The following TCEA3 variants were observed in gnomAD, a reference collection of about 807,000 sequenced individuals.
TCEA3 encodes the protein transcription elongation factor A protein 3.
TCEA3 carries 36 observed loss-of-function variants against 44.0 expected under a neutral mutation model. The observed-to-expected ratio is 0.82, with a 90% CI of 0.63 to 1.08. TCEA3 has a LOEUF of 1.08. Ranked by LOEUF, TCEA3 falls within the 50% of genes least tolerant of loss-of-function variation. The pLI, the probability that TCEA3 is intolerant of heterozygous loss-of-function variation, is 0.00. For synonymous variants in TCEA3, 162 were observed against 159.7 expected (o/e 1.01, Z -0.11); for missense variants, 392 against 441.2 (o/e 0.89, Z 1.00).
intron 4 of TCEA3, among the ~76,000 whole-genome samples, chr1:23,409,388 A>G (rs1639646937): frequency 6.6e-6 from 1 of 152,178 alleles, no homozygotes; most frequent in Non-Finnish European, 1.5e-5. Context: ...TCCAAAATGC[A>G]TTCAGCTACA....
At chr1:23,402,208 C>T (rs929428122) in intron 5 of TCEA3, among the ~76,000 whole-genome samples, 6 of 152,090 alleles carry the variant, frequency 3.9e-5, no homozygotes, top group South Asian at 4.1e-4. Context: ...GGTATGGTGG[C>T]GCATGCCTGT....
At chr1:23,395,376 GCT>G (rs1639185193) in intron 7 of TCEA3, among the ~76,000 whole-genome samples, 6 of 152,232 alleles carry the variant, frequency 3.9e-5, no homozygotes, top group Admixed American at 3.3e-4. Context: ...GGAACTTTTG[GCT>G]GCATTGTTAG....
intron 1 of TCEA3, 82 bp from the exon 2 acceptor site, chr1:23,419,221 G>T: frequency 9.2e-7 from 1 of 1,081,956 alleles, no homozygotes; most frequent in South Asian, 1.7e-5. Flanking sequence ...GGTACAGAGA[G>T]CAGGAGGATA....
intron 7 of TCEA3, among the ~76,000 whole-genome samples, chr1:23,394,833 ACT>A (rs1342021028): frequency 1.3e-5 from 2 of 152,174 alleles, no homozygotes; most frequent in African/African-American, 4.8e-5. Context: ...CCTGACGGTA[ACT>A]CTCTCCACTC....
At chr1:23,405,154 T>C (rs1639507060) in intron 5 of TCEA3, among the ~76,000 whole-genome samples, 1 of 152,200 alleles carries the variant, frequency 6.6e-6, no homozygotes, top group South Asian at 2.1e-4. Flanking sequence ...CGTGTATGCA[T>C]GTGCTCTTGA....
In TCEA3 at chr1:23,387,355, T is replaced by A; in HGVS notation, c.884A>T (p.His295Leu). The A allele has an allele frequency of 6.2e-7, 1 of 1,613,416 alleles. No homozygotes were observed. The highest frequency in any genetic ancestry group is 1.3e-5 in the African/African-American group (1 of 75,042). Residue 295 changes from histidine (H) to leucine (L), a missense_variant, in exon 9 of 11, where the codon CAC (histidine) becomes CTC (leucine). By Grantham distance (99) the His-to-Leu change is moderately conservative. Coordinates refer to ENST00000450454, the MANE Select transcript of TCEA3 (RefSeq NM_003196.3). ...NAMTQEAIRE[H>L]QMAKTGGTTT... ...GGTGCCGCCAGTCTTGGCCATCTGGTGCTCACGGATGGCCTCCTGGGTCAT... is the reference window on the plus strand; with the variant it reads ...GGTGCCGCCAGTCTTGGCCATCTGGAGCTCACGGATGGCCTCCTGGGTCAT...
intron 5 of TCEA3, chr1:23,408,462 G>A (rs536429612): frequency 9.3e-6 from 5 of 536,784 alleles, no homozygotes; most frequent in Non-Finnish European, 1.7e-5. Flanking sequence ...ATTGACCACA[G>A]AGAGATCAAA....
At chr1:23,423,579 G>A (rs930768095) in intron 1 of TCEA3, among the ~76,000 whole-genome samples, 9 of 152,178 alleles carry the variant, frequency 5.9e-5, no homozygotes, top group African/African-American at 2.2e-4. Context: ...AAGTGTCCTG[G>A]AAATGCAGGT....
At position 23,393,938 on chromosome 1, in the gene TCEA3, G is replaced by C; in HGVS notation, c.760C>G (p.Arg254Gly). 6.2e-7 allele frequency: 1 copy of C among 1,613,960 alleles called. No homozygotes were observed. The highest frequency in any genetic ancestry group is 8.5e-7 in the Non-Finnish European group (1 of 1,179,902). Residue 254 changes from arginine (R) to glycine (G), a missense_variant, in exon 8 of 11, where the codon CGG (arginine) becomes GGG (glycine). Physicochemically the swap from Arg to Gly is moderately radical, Grantham distance 125. Transcript: ENST00000450454. ...NLKDPRNPGL[R>G]RNVLSGAISA... ...ATGGCCCCACTGAGCACGTTCCGCCGCAGGCCGGGGTTCCTGGGGTCCTTG... is the reference window on the plus strand; with the variant it reads ...ATGGCCCCACTGAGCACGTTCCGCCCCAGGCCGGGGTTCCTGGGGTCCTTG...
chr1:23,399,144 G>GTATATCTATA (rs1639312032), intron 5 of TCEA3, among the ~76,000 whole-genome samples: 1 of 61,166 alleles, frequency 1.6e-5, no homozygotes, highest in Non-Finnish European at 3.1e-5. Context: ...ATGTATATAT[G>GTATATCTATA]TATATATATA....
intron 10 of TCEA3, chr1:23,383,541 GGTGA>G (rs1199107904): frequency 4.2e-6 from 4 of 950,508 alleles, no homozygotes; most frequent in Non-Finnish European, 5.0e-6. Flanking sequence ...TGCTCAATGA[GGTGA>G]GTAACATGCT....
At position 23,417,947 on chromosome 1, in the gene TCEA3, C is replaced by T; in HGVS notation, c.195G>A (p.Val65=). 1.9e-6 allele frequency: 3 copies of T among 1,614,086 alleles called. No individual in the cohort carries two copies. Among genetic ancestry groups the T allele is most frequent in the Non-Finnish European group, 2.5e-6 (3 of 1,179,902 alleles). ...TTTTGATAAGGACTTTGGCCAAGGA[C>T]ACCACCTCCTTGTCTGAGCAGTGCT... ...VRKHCSDKEV[V]SLAKVLIKNW... is the part of the protein sequence containing the mutation. The change falls in exon 3 of 11, where the codon GTG becomes GTA. Residue 65 remains valine, a synonymous_variant. Transcript: ENST00000450454.
At chr1:23,406,991 A>G (rs1332995789) in intron 5 of TCEA3, among the ~76,000 whole-genome samples, 1 of 152,156 alleles carries the variant, frequency 6.6e-6, no homozygotes, top group South Asian at 2.1e-4. Context: ...ATCCAACTGC[A>G]TATTTGACTT....
At chr1:23,385,208 G>A (rs186331842) in intron 9 of TCEA3, among the ~76,000 whole-genome samples, 47 of 152,250 alleles carry the variant, frequency 3.1e-4, no homozygotes, top group South Asian at 6.2e-4. Context: ...GGCTGGCCAC[G>A]ACATGTAGCA....
chr1:23,404,852 G>C (rs1235333500), intron 5 of TCEA3, among the ~76,000 whole-genome samples: 1 of 152,100 alleles, frequency 6.6e-6, no homozygotes, highest in African/African-American at 2.4e-5. Context: ...TGTGGTCCTA[G>C]CTACACGGGA....
At chr1:23,422,589 G>C (rs112057780) in intron 1 of TCEA3, among the ~76,000 whole-genome samples, 2,325 of 152,078 alleles carry the variant, frequency 0.015, 58 homozygotes, top group African/African-American at 0.053. Context: ...CCCAGAGCAG[G>C]CCCCACCTTT....
chr1:23,416,479 T>C (rs542116045), intron 4 of TCEA3, among the ~76,000 whole-genome samples: 3 of 152,058 alleles, frequency 2.0e-5, no homozygotes, highest in Non-Finnish European at 4.4e-5. Context: ...TAATTTATAA[T>C]ATATGTCTTG....
intron 3 of TCEA3, 151 bp downstream of exon 3, chr1:23,417,753 C>T: frequency 1.4e-6 from 1 of 727,830 alleles, no homozygotes; most frequent in Non-Finnish European, 2.3e-6. Context: ...ATTGGCAGTC[C>T]CCCACTAGCT....
intron 5 of TCEA3, chr1:23,403,763 G>C: frequency 7.5e-6 from 2 of 265,380 alleles, no homozygotes; most frequent in South Asian, 1.6e-4. Flanking sequence ...TAAAAGAGAG[G>C]TTTCCAGAGT....
Sources: allele counts gnomAD v4.1 joint callset (sites outside exome capture counted in the v4.1 genomes callset), GRCh38; gene constraint gnomAD v4.1.1; transcripts MANE v1.5; gene names NCBI Gene and HGNC (gene_info 2026-07-23, HGNC 2026-07-21).